The following ACER3 variants were observed in gnomAD, a reference collection of about 807,000 sequenced individuals.
ACER3 encodes the protein alkaline ceramidase 3.
Under a neutral mutation model 48.9 loss-of-function variants are expected in ACER3, and 16 were observed. The observed-to-expected ratio is 0.33, with a 90% CI of 0.22 to 0.50. The LOEUF (loss-of-function observed/expected upper bound fraction) is 0.50. Ranked by LOEUF, ACER3 falls within the 20% of genes least tolerant of loss-of-function variation. The probability of loss-of-function intolerance (pLI) is 0.98; values close to 1 mark genes in which losing one functional copy is unlikely to be tolerated. For synonymous variants in ACER3, 109 were observed against 107.8 expected (o/e 1.01, Z -0.07); for missense variants, 227 against 326.0 (o/e 0.70, Z 2.34).
At chr11:77,014,047 T>G (rs1949319061) in intron 7 of ACER3, among the ~76,000 whole-genome samples, 1 of 152,228 alleles carries the variant, frequency 6.6e-6, no homozygotes, top group African/African-American at 2.4e-5. Context: ...ATATCTTGAT[T>G]GTGGTGGTGG....
chr11:76,914,226 C>T (rs1312294139), intron 1 of ACER3, among the ~76,000 whole-genome samples: 1 of 152,156 alleles, frequency 6.6e-6, no homozygotes, highest in Non-Finnish European at 1.5e-5. Flanking sequence ...AGAACTTCTG[C>T]ACAGCAAAAG....
At chr11:76,950,522 C>T (rs771805201) in intron 2 of ACER3, among the ~76,000 whole-genome samples, 9 of 150,390 alleles carry the variant, frequency 6.0e-5, no homozygotes, top group Non-Finnish European at 7.4e-5. Flanking sequence ...AGAGCAGTGG[C>T]GCAATCATGG....
At chr11:76,990,472 T>A in intron 5 of ACER3, 67 bp from the exon 6 acceptor site, 1 of 1,109,704 alleles carries the variant, frequency 9.0e-7, no homozygotes, top group Non-Finnish European at 1.4e-6. Context: ...TGCAGAGTAA[T>A]TGGAGTCGGT....
At chr11:76,970,031 A>G (rs1014021769) in intron 3 of ACER3, among the ~76,000 whole-genome samples, 3 of 152,016 alleles carry the variant, frequency 2.0e-5, no homozygotes, top group African/African-American at 7.2e-5. Flanking sequence ...TTTCATGGCT[A>G]CCTTGCAACT....
At chr11:76,862,327 T>G (rs1944963816) in intron 1 of ACER3, among the ~76,000 whole-genome samples, 1 of 152,170 alleles carries the variant, frequency 6.6e-6, no homozygotes, top group Non-Finnish European at 1.5e-5. Flanking sequence ...TTTCAGGACT[T>G]TAGTACTATT....
At position 77,020,303 on chromosome 11, in the gene ACER3, G is replaced by A. The variant is rs1280803317; in HGVS notation, c.780G>A (p.Leu260=). The A allele has an allele frequency of 6.2e-7, 1 of 1,613,652 alleles. No individual in the cohort carries two copies. Among genetic ancestry groups the A allele is most frequent in the African/African-American group, 1.3e-5 (1 of 74,924 alleles). Reference sequence around the variant, plus strand: ...TCTTTGGAATCTGGCCAGTGATCCTGTTTGAGCCTCTCAGGAAGCATTGAT... The same window carrying A: ...TCTTTGGAATCTGGCCAGTGATCCTATTTGAGCCTCTCAGGAAGCATTGAT... ...KFLFGIWPVI[L]FEPLRKH The change falls in exon 11 of 11, where the codon CTG becomes CTA. Residue 260 remains leucine, a synonymous_variant. Transcript: ENST00000532485.
At chr11:76,871,041 G>T (rs928595742) in intron 1 of ACER3, among the ~76,000 whole-genome samples, 1 of 152,096 alleles carries the variant, frequency 6.6e-6, no homozygotes, top group African/African-American at 2.4e-5. Context: ...TTAAAGATCT[G>T]GAAATTTTAG....
At chr11:76,948,489 T>C (rs2134966840) in intron 2 of ACER3, among the ~76,000 whole-genome samples, 1 of 152,276 alleles carries the variant, frequency 6.6e-6, no homozygotes, top group Non-Finnish European at 1.5e-5. Flanking sequence ...TGATAGTGCA[T>C]TTTGTTTCTA....
At chr11:76,872,903 TTCTTTTTC>T (rs1392717613) in intron 1 of ACER3, among the ~76,000 whole-genome samples, 248 of 121,808 alleles carry the variant, frequency 2.0e-3, no homozygotes, top group Non-Finnish European at 2.8e-3. Flanking sequence ...TCTTTCTTTT[TTCTTTTTC>T]TTTTTTTTTT....
At chr11:76,890,714 G>A (rs1423963600) in intron 1 of ACER3, among the ~76,000 whole-genome samples, 1 of 152,112 alleles carries the variant, frequency 6.6e-6, no homozygotes, top group Non-Finnish European at 1.5e-5. Context: ...TCTACTATAT[G>A]TATATTAGTT....
chr11:76,955,676 C>T (rs1325256761), intron 2 of ACER3: 1 of 152,200 alleles, frequency 6.6e-6, no homozygotes, highest in African/African-American at 2.4e-5. Flanking sequence ...TGACCTCATC[C>T]AAACCTAATT....
chr11:77,014,296 A>G (rs782174604), intron 7 of ACER3, among the ~76,000 whole-genome samples: 2 of 152,234 alleles, frequency 1.3e-5, no homozygotes, highest in South Asian at 2.1e-4. Flanking sequence ...CCCATCCACA[A>G]TACCTCCGTA....
chr11:76,998,448 A>AGAGAAGAGAGGAGCTAAG, intron 6 of ACER3: 1 of 295,320 alleles, frequency 3.4e-6, no homozygotes, highest in Non-Finnish European at 6.2e-6. Context: ...GAGGAGCTAA[A>AGAGAAGAGAGGAGCTAAG]GATTATGAGG....
At chr11:77,017,858 G>T (rs1306185823) in intron 9 of ACER3, among the ~76,000 whole-genome samples, 1 of 150,302 alleles carries the variant, frequency 6.7e-6, no homozygotes, top group Non-Finnish European at 1.5e-5. Flanking sequence ...TCATGTTTCT[G>T]TGTCTTATTT....
intron 2 of ACER3, among the ~76,000 whole-genome samples, chr11:76,945,100 T>C (rs2134944659): frequency 1.3e-5 from 2 of 152,248 alleles, no homozygotes; most frequent in South Asian, 4.1e-4. Context: ...TTGGTAAATT[T>C]CTCATTTATA....
intron 7 of ACER3, among the ~76,000 whole-genome samples, chr11:77,006,537 C>T: frequency 6.6e-6 from 1 of 151,944 alleles, no homozygotes; most frequent in East Asian, 1.9e-4. Context: ...AATGTAGTCT[C>T]TTAGGTTTCC....
chr11:76,937,298 A>G (rs927215702), intron 2 of ACER3, among the ~76,000 whole-genome samples: 2 of 152,220 alleles, frequency 1.3e-5, no homozygotes, highest in African/African-American at 4.8e-5. Flanking sequence ...AAAGTTTTTG[A>G]AGCTGAATTT....
chr11:76,999,021 T>C (rs1948974538), intron 7 of ACER3, among the ~76,000 whole-genome samples, 200 bp downstream of exon 7: 1 of 152,144 alleles, frequency 6.6e-6, no homozygotes, highest in Non-Finnish European at 1.5e-5. Context: ...ATGTGAAAAC[T>C]AGGGTTCCAA....
intron 4 of ACER3, among the ~76,000 whole-genome samples, chr11:76,979,440 G>A (rs1948528431): frequency 6.6e-6 from 1 of 152,140 alleles, no homozygotes; most frequent in South Asian, 2.1e-4. Context: ...AGTTAGGTAA[G>A]AAGATATAGA....
Sources: allele counts gnomAD v4.1 joint callset (sites outside exome capture counted in the v4.1 genomes callset), GRCh38; gene constraint gnomAD v4.1.1; transcripts MANE v1.5; gene names NCBI Gene and HGNC (gene_info 2026-07-23, HGNC 2026-07-21).